The following WDFY4 variants were observed in gnomAD, a reference collection of about 807,000 sequenced individuals.
WDFY4 encodes the protein WD repeat- and FYVE domain-containing protein 4.
WDFY4 carries 169 observed loss-of-function variants against 351.9 expected under a neutral mutation model. The ratio of observed to expected loss-of-function variants is 0.48; its 90% CI spans 0.42 to 0.55. The LOEUF (loss-of-function observed/expected upper bound fraction) is 0.55, where lower values mean the gene tolerates loss of function less well. Ranked by LOEUF, WDFY4 falls within the 20% of genes least tolerant of loss-of-function variation. The pLI is 0.00. For missense variants in WDFY4, 3,803 were observed against 3,935.6 expected, an observed-to-expected ratio of 0.97 and a Z score of 0.90; for synonymous variants, 1,622 against 1,574.6, an observed-to-expected ratio of 1.03 and a Z score of -0.71.
intron 24 of WDFY4, among the ~76,000 whole-genome samples, chr10:48,798,774 G>A (rs2066958087): frequency 6.6e-6 from 1 of 152,170 alleles, no homozygotes; most frequent in Admixed American, 6.5e-5. Context: ...CAAAAGGACA[G>A]AACAGAAAAT....
chr10:48,877,591 G>A (rs892775941), intron 43 of WDFY4, among the ~76,000 whole-genome samples: 1 of 152,224 alleles, frequency 6.6e-6, no homozygotes, highest in Non-Finnish European at 1.5e-5. Context: ...CACACCTTGA[G>A]GGGTCTTGGG....
At chr10:48,982,205 C>G (rs150473692) in intron 61 of WDFY4, among the ~76,000 whole-genome samples, 1 of 152,238 alleles carries the variant, frequency 6.6e-6, no homozygotes, top group Non-Finnish European at 1.5e-5. Context: ...GGCTATTTCT[C>G]TGGTGGGACA....
intron 1 of WDFY4, among the ~76,000 whole-genome samples, chr10:48,693,097 G>T (rs1165002008): frequency 1.3e-5 from 2 of 152,212 alleles, no homozygotes; most frequent in African/African-American, 4.8e-5. Context: ...AGTGGATTCA[G>T]CTTAACCCCA....
intron 13 of WDFY4, among the ~76,000 whole-genome samples, chr10:48,771,223 T>C (rs1252631748): frequency 6.6e-6 from 1 of 152,222 alleles, no homozygotes; most frequent in African/African-American, 2.4e-5. Flanking sequence ...CCTTGAAACA[T>C]ATGTGCTACA....
intron 40 of WDFY4, among the ~76,000 whole-genome samples, chr10:48,868,464 C>T (rs1223457518): frequency 6.6e-6 from 1 of 152,164 alleles, no homozygotes; most frequent in African/African-American, 2.4e-5. Context: ...TGGGCATCTA[C>T]CCCACTCCAA....
At chr10:48,854,636 T>TA (rs1221032832) in intron 39 of WDFY4, among the ~76,000 whole-genome samples, 3 of 152,206 alleles carry the variant, frequency 2.0e-5, no homozygotes, top group Non-Finnish European at 4.4e-5. Flanking sequence ...ATGTGACTAC[T>TA]AAGAACCAAA....
At chr10:48,897,897 G>A (rs1008651220) in intron 45 of WDFY4, among the ~76,000 whole-genome samples, 2 of 152,196 alleles carry the variant, frequency 1.3e-5, no homozygotes, top group African/African-American at 4.8e-5. Flanking sequence ...TACAGGGCAG[G>A]ACAGATACAT....
chr10:48,771,250 A>G (rs1300857257), intron 13 of WDFY4, among the ~76,000 whole-genome samples: 1 of 152,250 alleles, frequency 6.6e-6, no homozygotes, highest in Non-Finnish European at 1.5e-5. Flanking sequence ...TGTTAGCTAC[A>G]TATGGAAGAA....
At chr10:48,800,472 A>T (rs2067029363) in intron 24 of WDFY4, among the ~76,000 whole-genome samples, 2 of 151,860 alleles carry the variant, frequency 1.3e-5, no homozygotes, top group Admixed American at 1.3e-4. Context: ...GAGATTGTTG[A>T]AGCAGGGAGG....
intron 47 of WDFY4, among the ~76,000 whole-genome samples, chr10:48,926,034 C>A (rs376454033): frequency 6.6e-6 from 1 of 152,184 alleles, no homozygotes; most frequent in Non-Finnish European, 1.5e-5. Flanking sequence ...GTGTCTGATA[C>A]GCAAGCTGGT....
intron 43 of WDFY4, among the ~76,000 whole-genome samples, chr10:48,882,704 A>C (rs1445293796): frequency 6.6e-6 from 1 of 152,128 alleles, no homozygotes; most frequent in African/African-American, 2.4e-5. Flanking sequence ...AGGAGGGGCC[A>C]GGCTCTTTCA....
intron 23 of WDFY4, among the ~76,000 whole-genome samples, chr10:48,791,138 A>G (rs1167739831): frequency 6.6e-6 from 1 of 152,196 alleles, no homozygotes; most frequent in Non-Finnish European, 1.5e-5. Context: ...TGCTCACCTG[A>G]TTGTGGCTTC....
intron 38 of WDFY4, among the ~76,000 whole-genome samples, chr10:48,831,781 G>A (rs180991696): frequency 1.2e-3 from 182 of 152,298 alleles, no homozygotes; most frequent in African/African-American, 4.3e-3. Flanking sequence ...TTCTAAGATG[G>A]TACCTTGTTG....
chr10:48,731,633 G>A, intron 9 of WDFY4, 71 bp downstream of exon 9: 4 of 1,461,514 alleles, frequency 2.7e-6, no homozygotes, highest in Non-Finnish European at 3.6e-6. Context: ...GGGCCAATCT[G>A]GCTGCCCATC....
chr10:48,957,407 G>T lies in WDFY4; in HGVS notation c.8131+125G>T, dbSNP rs1841647910. 2.4e-6 allele frequency: 3 copies of T among 1,258,334 alleles called. No individual in the cohort carries two copies. The South Asian group carries it at 4.4e-5, about 19-fold the overall frequency. 77.9% of individuals were successfully genotyped at this position (1,258,334 alleles called of 1,614,324 possible). Reference sequence around the variant, plus strand: ...CCTCCCCAGGACCTCAACTTCGGGTGAGGTCTCCACTGGGCAGCAGTGCCC... The same window carrying T: ...CCTCCCCAGGACCTCAACTTCGGGTTAGGTCTCCACTGGGCAGCAGTGCCC... On this transcript the variant is annotated intron_variant, in intron 52 of 61. Coordinates refer to ENST00000325239, the MANE Select transcript of WDFY4 (RefSeq NM_001394531.1).
chr10:48,789,128 C>T (rs2066593428), intron 21 of WDFY4, among the ~76,000 whole-genome samples: 1 of 152,164 alleles, frequency 6.6e-6, no homozygotes, highest in Non-Finnish European at 1.5e-5. Flanking sequence ...CTGCTTCAGC[C>T]TCCTGAGTAG....
intron 47 of WDFY4, chr10:48,910,047 C>A: frequency 1.8e-6 from 1 of 557,862 alleles, no homozygotes; most frequent in South Asian, 2.7e-5. Flanking sequence ...CATTTTCACA[C>A]ACAGGTGGGC....
intron 48 of WDFY4, 56 bp from the exon 49 acceptor site, chr10:48,943,274 G>T (rs1438356703): frequency 2.6e-6 from 4 of 1,540,174 alleles, no homozygotes; most frequent in Admixed American, 3.9e-5. Flanking sequence ...GGGACCCATG[G>T]CTTTGCAGGA....
chr10:48,882,247 C>A (rs1386409385), intron 43 of WDFY4, among the ~76,000 whole-genome samples: 1 of 152,206 alleles, frequency 6.6e-6, no homozygotes, highest in Non-Finnish European at 1.5e-5. Context: ...TGGACTGGAG[C>A]AGGCTGCCAC....
Sources: allele counts gnomAD v4.1 joint callset (sites outside exome capture counted in the v4.1 genomes callset), GRCh38; gene constraint gnomAD v4.1.1; transcripts MANE v1.5; gene names NCBI Gene and HGNC (gene_info 2026-07-23, HGNC 2026-07-21).